Variants in BAALC observed in about 807,000 individuals in gnomAD.
BAALC encodes the protein brain and acute leukemia cytoplasmic protein.
A neutral mutation model predicts 15.5 loss-of-function variants in BAALC; 9 were observed. The ratio of observed to expected loss-of-function variants is 0.58; its 90% CI spans 0.35 to 1.02. BAALC has a LOEUF of 1.02. BAALC is among the 50% of genes least tolerant of loss of function. The pLI, the probability that BAALC is intolerant of heterozygous loss-of-function variation, is 0.02. For synonymous variants in BAALC, 80 were observed against 74.6 expected (o/e 1.07, Z -0.37); for missense variants, 201 against 192.4 (o/e 1.04, Z -0.27).
intron 1 of BAALC, among the ~76,000 whole-genome samples, chr8:103,175,087 C>T (rs1280700330): frequency 2.6e-5 from 4 of 152,214 alleles, no homozygotes; most frequent in Non-Finnish European, 5.9e-5. Flanking sequence ...TGCAGTTACT[C>T]ACCTCTCTGC....
At chr8:103,174,692 C>T (rs530137938) in intron 1 of BAALC, among the ~76,000 whole-genome samples, 6 of 152,230 alleles carry the variant, frequency 3.9e-5, no homozygotes, top group East Asian at 1.9e-4. Context: ...CTTCATGGTT[C>T]GATAAGCTTG....
chr8:103,148,625 C>G (rs1396227287), intron 1 of BAALC, among the ~76,000 whole-genome samples: 2 of 152,160 alleles, frequency 1.3e-5, no homozygotes, highest in Non-Finnish European at 2.9e-5. Flanking sequence ...CTCATTCATT[C>G]TTTCTGCCTT....
At chr8:103,156,395 A>T (rs1422503089) in intron 1 of BAALC, among the ~76,000 whole-genome samples, 2 of 152,194 alleles carry the variant, frequency 1.3e-5, no homozygotes, top group East Asian at 3.8e-4. Context: ...GTTGGGTGGG[A>T]TTCAGGAAGA....
At chr8:103,148,336 T>C (rs182970301) in intron 1 of BAALC, among the ~76,000 whole-genome samples, 18 of 152,252 alleles carry the variant, frequency 1.2e-4, no homozygotes, top group Admixed American at 7.8e-4. Context: ...GGGGACAGAT[T>C]CTCCCTCAGG....
chr8:103,171,295 AG>A (rs796906364), intron 1 of BAALC, among the ~76,000 whole-genome samples: 10 of 146,104 alleles, frequency 6.8e-5, no homozygotes, highest in African/African-American at 2.0e-4. Flanking sequence ...GAGAGAAGGA[AG>A]GGGGGAGGGA....
intron 2 of BAALC, 37 bp downstream of exon 2, chr8:103,213,122 G>C (rs370096407): frequency 6.2e-7 from 1 of 1,606,064 alleles, no homozygotes; most frequent in Non-Finnish European, 8.5e-7. Context: ...GGGGACTGGA[G>C]AATGGGGGTA....
chr8:103,181,460 AT>A (rs1413251457), intron 1 of BAALC, among the ~76,000 whole-genome samples: 37 of 150,390 alleles, frequency 2.5e-4, no homozygotes, highest in East Asian at 7.9e-4. Flanking sequence ...TTTAGTAGAG[AT>A]GGGGGTTTCA....
chr8:103,184,204 C>T lies in BAALC; in HGVS notation c.161-28715C>T, dbSNP rs368940605. Among the ~76,000 whole-genome samples, 40 of 152,250 alleles carry T rather than the reference C, an allele frequency of 2.6e-4. No individual in the cohort carries two copies. The South Asian group carries it at 7.7e-3, about 29-fold the overall frequency. On this transcript the variant is annotated intron_variant, in intron 1 of 2. Coordinates refer to ENST00000309982, the MANE Select transcript of BAALC (RefSeq NM_024812.3). Reference sequence around the variant, plus strand: ...AAGGACTTTGGTGATTACATTGGGCCCACCAGGATATTTCAGGATAATCTA... The same window carrying T: ...AAGGACTTTGGTGATTACATTGGGCTCACCAGGATATTTCAGGATAATCTA...
intron 1 of BAALC, chr8:103,183,445 G>A (rs1474376711): frequency 1.4e-6 from 1 of 703,004 alleles, no homozygotes; most frequent in Admixed American, 2.0e-5. Context: ...GGACTGTGCA[G>A]GTAGCATGGC....
chr8:103,217,032 A>G (rs1361434284), intron 2 of BAALC, among the ~76,000 whole-genome samples: 2 of 152,188 alleles, frequency 1.3e-5, no homozygotes, highest in Non-Finnish European at 2.9e-5. Flanking sequence ...GGGCTTCAGC[A>G]GCAGTGGAAA....
intron 2 of BAALC, among the ~76,000 whole-genome samples, chr8:103,218,759 C>T (rs2130082218): frequency 6.6e-6 from 1 of 152,262 alleles, no homozygotes; most frequent in South Asian, 2.1e-4. Flanking sequence ...AGCATGGGGA[C>T]TGATTCTCAG....
chr8:103,152,143 T>C (rs1811000262), intron 1 of BAALC, among the ~76,000 whole-genome samples: 1 of 152,158 alleles, frequency 6.6e-6, no homozygotes, highest in Admixed American at 6.5e-5. Context: ...TTTAATGCCT[T>C]CTGATAGCTT....
chr8:103,190,043 C>T (rs895258365), intron 1 of BAALC, among the ~76,000 whole-genome samples: 5 of 151,868 alleles, frequency 3.3e-5, no homozygotes, highest in Non-Finnish European at 5.9e-5. Context: ...CGCAGGGATT[C>T]GTGTCAGACG....
intron 1 of BAALC, among the ~76,000 whole-genome samples, chr8:103,170,301 G>A (rs977999090): frequency 6.6e-6 from 1 of 151,198 alleles, no homozygotes; most frequent in Non-Finnish European, 1.5e-5. Context: ...TGTTGGTTTT[G>A]TATTGGATGG....
At chr8:103,196,662 TG>T (rs750911093) in intron 1 of BAALC, among the ~76,000 whole-genome samples, 24 of 152,140 alleles carry the variant, frequency 1.6e-4, no homozygotes, top group Non-Finnish European at 3.1e-4. Context: ...CATCTTAGTT[TG>T]GCAGCCTCTC....
intron 2 of BAALC, among the ~76,000 whole-genome samples, chr8:103,216,352 G>A (rs928713506): frequency 2.0e-5 from 3 of 152,148 alleles, no homozygotes; most frequent in African/African-American, 7.2e-5. Flanking sequence ...TTTCCAAAGT[G>A]GTTATGCTGC....
chr8:103,198,220 G>A (rs996203388), intron 1 of BAALC: 2 of 666,890 alleles, frequency 3.0e-6, no homozygotes, highest in Non-Finnish European at 5.4e-6. Flanking sequence ...ATTCCTATGT[G>A]GTGTTTCTGT....
At chr8:103,162,949 G>A (rs1811262089) in intron 1 of BAALC, among the ~76,000 whole-genome samples, 1 of 152,116 alleles carries the variant, frequency 6.6e-6, no homozygotes, top group South Asian at 2.1e-4. Flanking sequence ...AGAAGCAAAT[G>A]GGTCCAGATA....
chr8:103,164,962 G>C (rs1410967166), intron 1 of BAALC, among the ~76,000 whole-genome samples: 2 of 152,188 alleles, frequency 1.3e-5, no homozygotes, highest in Non-Finnish European at 2.9e-5. Context: ...TGTTGTCTGA[G>C]ACTGACAAGT....
Sources: gnomAD v4.1 joint callset for allele counts (sites outside exome capture counted in the v4.1 genomes callset) on GRCh38, gnomAD v4.1.1 for gene constraint, MANE v1.5 for transcripts, NCBI Gene and HGNC (gene_info 2026-07-23, HGNC 2026-07-21) for gene names.